Variants in MSI2 observed in about 807,000 individuals in gnomAD.
MSI2 encodes the protein musashi RNA binding protein 2.
In MSI2, 17 loss-of-function variants were observed where a neutral mutation model predicts 45.6. That is an observed-to-expected ratio of 0.37 (90% confidence interval 0.26 to 0.56). The LOEUF is 0.56. Ranked by LOEUF, MSI2 falls within the 20% of genes least tolerant of loss-of-function variation. The pLI is 0.77. For missense variants in MSI2, 293 were observed against 444.2 expected (o/e 0.66, Z 3.06); for synonymous variants, 156 against 158.2 (o/e 0.99, Z 0.11).
intron 6 of MSI2, among the ~76,000 whole-genome samples, chr17:57,461,036 A>G (rs1352479028): frequency 1.3e-5 from 2 of 152,128 alleles, no homozygotes; most frequent in Admixed American, 6.5e-5. Flanking sequence ...TGATTGTCCT[A>G]TGGGCCTGTG....
intron 7 of MSI2, among the ~76,000 whole-genome samples, chr17:57,573,374 G>T (rs565203257): frequency 6.6e-6 from 1 of 152,274 alleles, no homozygotes; most frequent in East Asian, 1.9e-4. Flanking sequence ...AATAAACCAG[G>T]TGGGGAGGCT....
intron 6 of MSI2, among the ~76,000 whole-genome samples, chr17:57,528,690 A>G (rs2086755883): frequency 6.6e-6 from 1 of 152,168 alleles, no homozygotes; most frequent in African/African-American, 2.4e-5. Flanking sequence ...GTGTTGGCAC[A>G]TGGTCTTCCC....
chr17:57,594,804 A>G (rs1905129074), intron 7 of MSI2, among the ~76,000 whole-genome samples: 1 of 152,166 alleles, frequency 6.6e-6, no homozygotes, highest in African/African-American at 2.4e-5. Flanking sequence ...TGACACTGGG[A>G]GAAACTCGGC....
intron 5 of MSI2, among the ~76,000 whole-genome samples, chr17:57,334,510 C>T (rs989679518): frequency 6.6e-6 from 1 of 152,170 alleles, no homozygotes; most frequent in African/African-American, 2.4e-5. Context: ...AATGCTTCCT[C>T]TGGCCGGGTG....
At chr17:57,405,254 A>C (rs1215649406) in intron 6 of MSI2, among the ~76,000 whole-genome samples, 7 of 152,228 alleles carry the variant, frequency 4.6e-5, no homozygotes, top group African/African-American at 1.7e-4. Context: ...CAATCCATGT[A>C]GTCCTTGTTG....
intron 10 of MSI2, among the ~76,000 whole-genome samples, chr17:57,641,074 A>G (rs1479778474): frequency 1.3e-5 from 2 of 152,224 alleles, no homozygotes; most frequent in East Asian, 3.9e-4. Flanking sequence ...GTTCCTCCCC[A>G]CCATGCTGGG....
In MSI2 at chr17:57,679,680, G is replaced by T; in HGVS notation, c.*163G>T. 1.1e-6 allele frequency: 1 copy of T among 894,718 alleles called. No individual in the cohort carries two copies. The highest frequency in any genetic ancestry group is 1.4e-6 in the Non-Finnish European group (1 of 723,328). 55.4% of individuals were successfully genotyped at this position (894,718 alleles called of 1,614,324 possible). A position where few individuals can be genotyped will look rare whatever the true frequency, so the allele number is the denominator to read the frequency against. ...CCAGAGATGGCTCACTTCGGATCGA[G>T]GGTTGACTACATCTCATCATCTCAC... On this transcript the variant is annotated 3_prime_UTR_variant, in exon 14 of 14. Coordinates refer to ENST00000284073, the MANE Select transcript of MSI2 (RefSeq NM_138962.4).
rs1567879926 is a variant in MSI2 at position 57,529,155 on chromosome 17, G to T, written c.406-521G>T. 6.6e-6 allele frequency among the ~76,000 whole-genome samples: 1 copy of T among 152,100 alleles called. No homozygotes were observed. The highest frequency in any genetic ancestry group is 6.5e-5 in the Admixed American group (1 of 15,272). Reference sequence around the variant, plus strand: ...TTTCTTTAGAAAAAAAATACTCCAGGCCTGGAGCAGTGGCTCACACCTATA... The same window carrying T: ...TTTCTTTAGAAAAAAAATACTCCAGTCCTGGAGCAGTGGCTCACACCTATA... On this transcript the variant is annotated intron_variant, in intron 6 of 13. Transcript: ENST00000284073. The surrounding 1 kb of genome is among the most constrained non-coding windows in gnomAD (Gnocchi z 5.3).
At chr17:57,363,363 A>AG (rs967226256) in intron 5 of MSI2, among the ~76,000 whole-genome samples, 3 of 152,160 alleles carry the variant, frequency 2.0e-5, no homozygotes, top group Non-Finnish European at 4.4e-5. Flanking sequence ...TTAGGTCACA[A>AG]GGGGGTGGGG....
intron 6 of MSI2, among the ~76,000 whole-genome samples, chr17:57,461,733 C>T (rs1473770669): frequency 6.6e-6 from 1 of 152,080 alleles, no homozygotes; most frequent in Admixed American, 6.5e-5. Context: ...CAGGTTTCAC[C>T]ATGTTGGCCA....
intron 10 of MSI2, among the ~76,000 whole-genome samples, chr17:57,637,176 T>C (rs567843971): frequency 1.3e-5 from 2 of 152,308 alleles, no homozygotes; most frequent in African/African-American, 4.8e-5. Flanking sequence ...TGGCCCTGTG[T>C]ATACTTGGGG....
chr17:57,543,919 T>C (rs1216424281), intron 7 of MSI2, among the ~76,000 whole-genome samples: 1 of 152,262 alleles, frequency 6.6e-6, no homozygotes, highest in Non-Finnish European at 1.5e-5. Flanking sequence ...GGAAATCATC[T>C]AATTACATGT....
intron 5 of MSI2, among the ~76,000 whole-genome samples, chr17:57,276,291 A>C (rs553482251): frequency 7.2e-5 from 11 of 152,332 alleles, no homozygotes; most frequent in African/African-American, 2.4e-4. Context: ...TTCTTGTTCA[A>C]ATCAGCAGTG....
At chr17:57,385,267 T>C (rs930901195) in intron 5 of MSI2, among the ~76,000 whole-genome samples, 4 of 152,242 alleles carry the variant, frequency 2.6e-5, no homozygotes, top group Non-Finnish European at 5.9e-5. Flanking sequence ...TGTTATGGTC[T>C]GCAAGACTTC....
chr17:57,510,723 C>T (rs529834542), intron 6 of MSI2, among the ~76,000 whole-genome samples: 7 of 152,196 alleles, frequency 4.6e-5, no homozygotes, highest in African/African-American at 1.2e-4. Context: ...CCACCACACC[C>T]GGCCTCCTCT....
chr17:57,394,143 G>A (rs956361882), intron 5 of MSI2, among the ~76,000 whole-genome samples: 3 of 152,168 alleles, frequency 2.0e-5, no homozygotes, highest in African/African-American at 7.2e-5. Flanking sequence ...ATTAGAAAAG[G>A]TGAAGACATA....
chr17:57,363,128 C>T lies in MSI2; in HGVS notation c.313-38251C>T, dbSNP rs1018722008. Among the ~76,000 whole-genome samples, 111 of 152,216 alleles carry T rather than the reference C, an allele frequency of 7.3e-4. 7 individuals carry two copies. The highest frequency in any genetic ancestry group is 4.1e-4 in the South Asian group (2 of 4,822). ...AACAACCCAAATGTCCATTGATACA[C>T]GAATGGATAAACAAAATGTGATAGA... On this transcript the variant is annotated intron_variant, in intron 5 of 13. Coordinates refer to ENST00000284073, the MANE Select transcript of MSI2 (RefSeq NM_138962.4).
At chr17:57,388,981 C>CTTTT (rs1251175262) in intron 5 of MSI2, among the ~76,000 whole-genome samples, 20 of 113,838 alleles carry the variant, frequency 1.8e-4, no homozygotes, top group East Asian at 5.3e-4. Context: ...TCTTCTTCTT[C>CTTTT]TTTTTTTTTT....
intron 13 of MSI2, among the ~76,000 whole-genome samples, chr17:57,679,236 A>G (rs1374821519): frequency 1.3e-5 from 2 of 152,198 alleles, no homozygotes; most frequent in Non-Finnish European, 2.9e-5. Flanking sequence ...CCTGGCTGCA[A>G]TCCCTGTAAG....
Sources: gnomAD v4.1 joint callset for allele counts (sites outside exome capture counted in the v4.1 genomes callset) on GRCh38, gnomAD v4.1.1 for gene constraint, Gnocchi (gnomAD v3.1) non-coding constraint, MANE v1.5 for transcripts, NCBI Gene and HGNC (gene_info 2026-07-23, HGNC 2026-07-21) for gene names.